HUWE1: variants seen among roughly 807,000 people sequenced by gnomAD.
HUWE1 encodes HECT, UBA and WWE domain containing E3 ubiquitin protein ligase 1, also known as E3 ubiquitin-protein ligase HUWE1.
In HUWE1, 18 loss-of-function variants were observed where a neutral mutation model predicts 299.4. The observed-to-expected ratio is 0.06, with a 90% CI of 0.04 to 0.09. The LOEUF (loss-of-function observed/expected upper bound fraction) is 0.09, where lower values mean the gene tolerates loss of function less well. HUWE1 is among the 10% of genes least tolerant of loss of function. The pLI is 1.00. For missense variants in HUWE1, 1,832 were observed against 3,462.3 expected (o/e 0.53, Z 11.82); for synonymous variants, 1,317 against 1,286.1 (o/e 1.02, Z -0.51).
chrX:53,587,238 C>T (rs151102760), intron 37 of HUWE1, among the ~76,000 whole-genome samples: 359 of 112,238 alleles, frequency 3.2e-3, no homozygotes, highest in Admixed American at 4.8e-3. Context: ...CAAGGTTGTG[C>T]AGTCTATGTT....
chrX:53,568,412 T>A (rs953035763), intron 49 of HUWE1, among the ~76,000 whole-genome samples: 1 of 111,592 alleles, frequency 9.0e-6, no homozygotes, highest in Non-Finnish European at 1.9e-5. Context: ...TTATTTTTAC[T>A]CATCTGTATT....
chrX:53,603,210 C>T (rs1165103131), intron 27 of HUWE1, among the ~76,000 whole-genome samples, 158 bp downstream of exon 27: 3 of 111,428 alleles, frequency 2.7e-5, no homozygotes, highest in Non-Finnish European at 5.6e-5. Context: ...TCTACCATGA[C>T]GACAAAGCAT....
At chrX:53,685,150 A>G (rs1196080411) in intron 2 of HUWE1, among the ~76,000 whole-genome samples, 1 of 112,568 alleles carries the variant, frequency 8.9e-6, no homozygotes, top group Non-Finnish European at 1.9e-5. Flanking sequence ...TTTAGAGTAC[A>G]TTTTAATAGC....
intron 2 of HUWE1, chrX:53,683,859 C>G (rs1362190393): frequency 7.6e-6 from 1 of 131,284 alleles, no homozygotes; most frequent in Non-Finnish European, 1.5e-5. Context: ...CCCCCACCCC[C>G]CACCCGCGAG....
intron 23 of HUWE1, among the ~76,000 whole-genome samples, chrX:53,610,292 T>C (rs977493276): frequency 1.8e-5 from 2 of 111,891 alleles, no homozygotes; most frequent in East Asian, 2.8e-4. Context: ...ATTTGCTACA[T>C]GGAAACTGGG....
intron 3 of HUWE1, among the ~76,000 whole-genome samples, chrX:53,673,948 ACATAG>A (rs782065235): frequency 1.4e-3 from 154 of 111,473 alleles, no homozygotes; most frequent in African/African-American, 4.6e-3. Context: ...AAATAGCATC[ACATAG>A]TATGTACTCT....
chrX:53,629,737 G>A (rs2066746106), intron 12 of HUWE1, 121 bp from the exon 13 acceptor site: 1 of 469,014 alleles, frequency 2.1e-6, no homozygotes, highest in African/African-American at 2.4e-5. Context: ...AGCAATGGAG[G>A]GCAGAATCAT....
intron 19 of HUWE1, among the ~76,000 whole-genome samples, chrX:53,618,199 T>C (rs1453534161): frequency 1.8e-5 from 2 of 111,384 alleles, no homozygotes; most frequent in Admixed American, 1.9e-4. Context: ...GCAAAAAGGA[T>C]AAACGAAGCC....
chrX:53,566,652 A>G (rs1441173217), intron 49 of HUWE1, among the ~76,000 whole-genome samples: 1 of 111,253 alleles, frequency 9.0e-6, no homozygotes, highest in Non-Finnish European at 1.9e-5. Context: ...GGGTCCCACT[A>G]TGTTGCCCAG....
In HUWE1 at chrX:53,648,208, A is replaced by C. The variant is rs782177108; in HGVS notation, c.144+4T>G. On this transcript the variant is annotated splice_donor_region_variant and intron_variant, in intron 5 of 83. Coordinates refer to ENST00000262854, the MANE Select transcript of HUWE1 (RefSeq NM_031407.7). ...CTGTCTTTTGGGAGCTTGACTTCAC[A>C]TACCTTTCCAATGTTCCATGTTTTG... The C allele has an allele frequency of 8.6e-7, 1 of 1,160,958 alleles. No individual in the cohort carries two copies. The highest frequency in any genetic ancestry group is 1.2e-6 in the Non-Finnish European group (1 of 850,425).
intron 23 of HUWE1, among the ~76,000 whole-genome samples, chrX:53,610,589 T>C (rs782001498): frequency 2.7e-5 from 3 of 111,705 alleles, no homozygotes; most frequent in Non-Finnish European, 5.6e-5. Flanking sequence ...CCCCAGCTCA[T>C]GCCCCCATCA....
At chrX:53,667,407 G>A (rs1557047987) in intron 3 of HUWE1, among the ~76,000 whole-genome samples, 1 of 111,845 alleles carries the variant, frequency 8.9e-6, no homozygotes, top group African/African-American at 3.2e-5. Context: ...GTACCCAACC[G>A]ACCAAACATC....
At chrX:53,684,434 G>A (rs945798017) in intron 2 of HUWE1, among the ~76,000 whole-genome samples, 2 of 112,304 alleles carry the variant, frequency 1.8e-5, no homozygotes, top group African/African-American at 3.2e-5. Flanking sequence ...GACCCACTGC[G>A]GAGCTGGCTG....
intron 17 of HUWE1, 67 bp from the exon 18 acceptor site, chrX:53,625,325 A>G (rs989355726): frequency 5.5e-6 from 4 of 730,438 alleles, no homozygotes; most frequent in Non-Finnish European, 8.7e-6. Context: ...TCAAGCACAT[A>G]AAACAAAATT....
intron 49 of HUWE1, among the ~76,000 whole-genome samples, chrX:53,566,095 G>GTATT (rs2062522559): frequency 1.4e-5 from 1 of 70,730 alleles, no homozygotes; most frequent in Non-Finnish European, 2.5e-5. Flanking sequence ...GTGAGTCTAT[G>GTATT]TATGTATGTA....
intron 67 of HUWE1, among the ~76,000 whole-genome samples, chrX:53,548,675 A>C (rs1299844437): frequency 8.9e-6 from 1 of 112,730 alleles, no homozygotes; most frequent in South Asian, 3.6e-4. Context: ...CTTTCTAATC[A>C]TAAGACAAAA....
chrX:53,631,155 A>G, intron 11 of HUWE1, 121 bp from the exon 12 acceptor site: 1 of 533,239 alleles, frequency 1.9e-6, no homozygotes, highest in East Asian at 3.5e-5. Flanking sequence ...CGAAGTGTTC[A>G]GAAAGCTACC....
intron 82 of HUWE1, 84 bp downstream of exon 82, chrX:53,534,432 A>G: frequency 1.1e-6 from 1 of 873,646 alleles, no homozygotes; most frequent in South Asian, 2.3e-5. Flanking sequence ...CTCTAAGAGT[A>G]CTACTGGTTT....
At position 53,540,331 on chromosome X, in the gene HUWE1, C is replaced by CTT. The variant is rs112801686; in HGVS notation, c.11477-521_11477-520dup. Among the ~76,000 whole-genome samples, 54 of 102,967 alleles carry CTT rather than the reference C, an allele frequency of 5.2e-4. 1 individual carries two copies. Among genetic ancestry groups the CTT allele is most frequent in the Admixed American group, 4.2e-4 (4 of 9,606 alleles). The allele number at this position is 102,967 out of a possible 115,157, so 89.4% of individuals were successfully genotyped here. Reference sequence around the variant, plus strand: ...ATCTTTCTAACCTTAAGTCTAATGCCTTTTTTTTTTTTTCCCTGAGACAGT... The same window carrying CTT: ...ATCTTTCTAACCTTAAGTCTAATGCCTTTTTTTTTTTTTTTCCCTGAGACAGT... On this transcript the variant is annotated intron_variant, in intron 74 of 83. Coordinates refer to ENST00000262854, the MANE Select transcript of HUWE1 (RefSeq NM_031407.7).
Sources: gnomAD v4.1 joint callset for allele counts (sites outside exome capture counted in the v4.1 genomes callset) on GRCh38, gnomAD v4.1.1 for gene constraint, MANE v1.5 for transcripts, NCBI Gene and HGNC (gene_info 2026-07-23, HGNC 2026-07-21) for gene names.